The following CAMKMT variants were observed in gnomAD, a reference collection of about 807,000 sequenced individuals.
CAMKMT encodes calmodulin-lysine N-methyltransferase.
In CAMKMT, 53 loss-of-function variants were observed where a neutral mutation model predicts 48.0. The observed-to-expected ratio is 1.10, with a 90% CI of 0.89 to 1.39. The LOEUF is 1.39. CAMKMT is among the 40% of genes most tolerant of loss of function. The probability of loss-of-function intolerance (pLI) is 0.00; values close to 1 mark genes in which losing one functional copy is unlikely to be tolerated. For synonymous variants in CAMKMT, 165 were observed against 152.3 expected (o/e 1.08, Z -0.61); for missense variants, 428 against 402.7 (o/e 1.06, Z -0.54).
intron 3 of CAMKMT, among the ~76,000 whole-genome samples, chr2:44,639,594 G>A (rs1298423559): frequency 6.6e-6 from 1 of 152,158 alleles, no homozygotes; most frequent in Non-Finnish European, 1.5e-5. Context: ...GCCTGATATT[G>A]GGAAAGCACT....
At chr2:44,541,895 G>A (rs1667128472) in intron 3 of CAMKMT, among the ~76,000 whole-genome samples, 1 of 152,132 alleles carries the variant, frequency 6.6e-6, no homozygotes, top group Admixed American at 6.5e-5. Flanking sequence ...TTGGGAGGCT[G>A]AGGCAGGCAG....
intron 2 of CAMKMT, 36 bp downstream of exon 2, chr2:44,372,924 A>G: frequency 6.5e-7 from 1 of 1,531,838 alleles, no homozygotes; most frequent in Non-Finnish European, 8.9e-7. Context: ...TGTAAACACT[A>G]GATTTCTCTT....
chr2:44,485,556 A>C (rs1170412010), intron 3 of CAMKMT, among the ~76,000 whole-genome samples: 1 of 152,158 alleles, frequency 6.6e-6, no homozygotes, highest in Non-Finnish European at 1.5e-5. Context: ...ACAAACCTAG[A>C]TGGTATAGCC....
intron 10 of CAMKMT, among the ~76,000 whole-genome samples, chr2:44,768,361 A>ATATATATATATATTTTTT (rs35058824): frequency 1.7e-5 from 2 of 115,744 alleles, no homozygotes; most frequent in African/African-American, 7.4e-5. Flanking sequence ...ATATATATAT[A>ATATATATATATATTTTTT]TTTTTTTTTT....
intron 7 of CAMKMT, among the ~76,000 whole-genome samples, chr2:44,724,403 G>A (rs921998243): frequency 6.6e-6 from 1 of 152,200 alleles, no homozygotes; most frequent in Admixed American, 6.5e-5. Flanking sequence ...TTAAAAACAG[G>A]TTTCCAGACA....
At chr2:44,576,679 G>C (rs879581664) in intron 3 of CAMKMT, among the ~76,000 whole-genome samples, 2 of 152,222 alleles carry the variant, frequency 1.3e-5, no homozygotes, top group African/African-American at 4.8e-5. Context: ...TGGTTGGTGA[G>C]ATTATTCAGG....
chr2:44,423,344 T>G (rs543046080), intron 3 of CAMKMT, among the ~76,000 whole-genome samples: 19 of 152,216 alleles, frequency 1.2e-4, no homozygotes, highest in Admixed American at 1.1e-3. Flanking sequence ...CACTCCTGTC[T>G]AATTTTTGTA....
chr2:44,549,413 GGAAGA>G, intron 3 of CAMKMT: 1 of 584,978 alleles, frequency 1.7e-6, no homozygotes, highest in South Asian at 2.3e-5. Flanking sequence ...TCACCCCAAG[GGAAGA>G]GAAGAACCTC....
At chr2:44,363,447 C>A (rs1572622302) in intron 1 of CAMKMT, among the ~76,000 whole-genome samples, 2 of 151,750 alleles carry the variant, frequency 1.3e-5, no homozygotes, top group African/African-American at 4.8e-5. Context: ...CTGCCATCTC[C>A]GCTCACCACA....
At chr2:44,648,776 C>T (rs1400982563) in intron 3 of CAMKMT, among the ~76,000 whole-genome samples, 2 of 152,118 alleles carry the variant, frequency 1.3e-5, no homozygotes, top group Non-Finnish European at 2.9e-5. Context: ...GTGAAGTTAG[C>T]GTTGCTTCAT....
intron 2 of CAMKMT, among the ~76,000 whole-genome samples, chr2:44,388,235 TA>T (rs1349985223): frequency 1.3e-5 from 2 of 152,198 alleles, no homozygotes; most frequent in Admixed American, 6.5e-5. Context: ...TGGATTGGGT[TA>T]ATTTGAAGAT....
intron 3 of CAMKMT, among the ~76,000 whole-genome samples, chr2:44,528,073 G>C (rs150264683): frequency 1.3e-5 from 2 of 152,274 alleles, no homozygotes; most frequent in African/African-American, 2.4e-5. Flanking sequence ...GGTATTGAGA[G>C]ATTATTTGGT....
At chr2:44,717,714 A>G (rs1341708985) in intron 7 of CAMKMT, among the ~76,000 whole-genome samples, 1 of 152,166 alleles carries the variant, frequency 6.6e-6, no homozygotes. Context: ...CTGCTATTAA[A>G]TAGCACTTCA....
intron 3 of CAMKMT, among the ~76,000 whole-genome samples, chr2:44,437,957 T>C (rs1666382833): frequency 6.6e-6 from 1 of 152,196 alleles, no homozygotes; most frequent in Non-Finnish European, 1.5e-5. Flanking sequence ...TGTGTTTTTT[T>C]TTCCTGCCAC....
At chr2:44,648,123 T>G (rs999519539) in intron 3 of CAMKMT, among the ~76,000 whole-genome samples, 6 of 152,020 alleles carry the variant, frequency 3.9e-5, no homozygotes, top group Admixed American at 3.9e-4. Flanking sequence ...TCCAATGACA[T>G]GTCATGAAAA....
At chr2:44,723,725 G>T (rs1004825221) in intron 7 of CAMKMT, 1 of 151,686 alleles carries the variant, frequency 6.6e-6, no homozygotes, top group African/African-American at 2.4e-5. Context: ...TGCTTATTTC[G>T]TAGATGTTAT....
intron 3 of CAMKMT, among the ~76,000 whole-genome samples, chr2:44,423,950 G>A (rs868065712): frequency 8.6e-5 from 13 of 151,916 alleles, no homozygotes; most frequent in South Asian, 2.1e-4. Flanking sequence ...TTGACCACCC[G>A]CCAACATTCC....
intron 3 of CAMKMT, among the ~76,000 whole-genome samples, chr2:44,526,365 G>C (rs1671403675): frequency 6.6e-6 from 1 of 152,130 alleles, no homozygotes; most frequent in Admixed American, 6.5e-5. Context: ...AGAACCAGTA[G>C]AGTATATATA....
intron 3 of CAMKMT, among the ~76,000 whole-genome samples, chr2:44,595,284 C>A (rs1241610424): frequency 1.3e-5 from 2 of 151,920 alleles, no homozygotes; most frequent in East Asian, 3.9e-4. Context: ...CCATTTGACC[C>A]AGCAATCCCG....
Sources: gnomAD v4.1 joint callset for allele counts (sites outside exome capture counted in the v4.1 genomes callset) on GRCh38, gnomAD v4.1.1 for gene constraint, MANE v1.5 for transcripts, NCBI Gene and HGNC (gene_info 2026-07-23, HGNC 2026-07-21) for gene names.